PMS1: variants seen among roughly 807,000 people sequenced by gnomAD.
PMS1 encodes PMS1 protein homolog 1.
A neutral mutation model predicts 93.1 loss-of-function variants in PMS1; 79 were observed. The observed-to-expected ratio is 0.85, with a 90% CI of 0.71 to 1.02. PMS1 has a LOEUF of 1.02. PMS1 is among the 50% of genes least tolerant of loss of function. PMS1 has a pLI of 0.00. For synonymous variants in PMS1, 335 were observed against 363.4 expected (o/e 0.92, Z 0.89); for missense variants, 1,064 against 1,085.3 (o/e 0.98, Z 0.28).
At chr2:189,841,717 C>G (rs879262049) in intron 5 of PMS1, among the ~76,000 whole-genome samples, 31 of 108,974 alleles carry the variant, frequency 2.8e-4, no homozygotes, top group Middle Eastern at 4.5e-3. Context: ...AGACTTCTGC[C>G]TCTTTTAGAC....
intron 9 of PMS1, among the ~76,000 whole-genome samples, chr2:189,858,999 AT>A (rs2055667734): frequency 6.6e-6 from 1 of 152,008 alleles, no homozygotes; most frequent in African/African-American, 2.4e-5. Context: ...CACATTCCAT[AT>A]TTTTCCTTGA....
intron 9 of PMS1, among the ~76,000 whole-genome samples, chr2:189,859,735 T>G (rs2055746014): frequency 1.3e-5 from 2 of 152,282 alleles, no homozygotes; most frequent in East Asian, 3.9e-4. Context: ...TCCATTATCT[T>G]CTACCTTTGA....
chr2:189,815,517 TTCC>T (rs1446649436), intron 4 of PMS1, among the ~76,000 whole-genome samples: 2 of 152,172 alleles, frequency 1.3e-5, no homozygotes, highest in African/African-American at 2.4e-5. Flanking sequence ...TATTTGACAG[TTCC>T]TCCTTCATAC....
At chr2:189,850,012 G>A (rs1279440719) in intron 6 of PMS1, among the ~76,000 whole-genome samples, 1 of 151,218 alleles carries the variant, frequency 6.6e-6, no homozygotes, top group Non-Finnish European at 1.5e-5. Flanking sequence ...GACACATCTT[G>A]TTTCTGATCC....
At chr2:189,871,019 T>C (rs1174403150) in intron 11 of PMS1, among the ~76,000 whole-genome samples, 1 of 152,246 alleles carries the variant, frequency 6.6e-6, no homozygotes, top group Admixed American at 6.5e-5. Context: ...CTGCAAGCTG[T>C]ACATGAAGCA....
chr2:189,872,528 A>G (rs923220045), intron 11 of PMS1, among the ~76,000 whole-genome samples: 1 of 152,234 alleles, frequency 6.6e-6, no homozygotes, highest in Non-Finnish European at 1.5e-5. Context: ...CTATGTTCCA[A>G]AAATATGCAT....
intron 5 of PMS1, among the ~76,000 whole-genome samples, chr2:189,822,289 G>A (rs183615057): frequency 6.6e-5 from 10 of 152,322 alleles, no homozygotes; most frequent in Admixed American, 5.9e-4. Context: ...GACCTTACTA[G>A]AAAGATGAAA....
rs369685971 is a variant in PMS1, at chr2:189,867,776, A to G, written c.2343-23A>G. 5 of 1,530,242 alleles carry G rather than the reference A, an allele frequency of 3.3e-6. No homozygotes were observed. The African/African-American group carries it at 6.8e-5, about 21-fold the overall frequency. 94.8% of individuals were successfully genotyped at this position (1,530,242 alleles called of 1,614,324 possible). A position where few individuals can be genotyped will look rare whatever the true frequency, so the allele number is the denominator to read the frequency against. ...CTTATTTTGTGTTTTTAATAAGTTAAAGGGCCATAATTTCTTTTTCAGTCT... is the reference window on the plus strand; with the variant it reads ...CTTATTTTGTGTTTTTAATAAGTTAGAGGGCCATAATTTCTTTTTCAGTCT... On this transcript the variant is annotated intron_variant, in intron 10 of 12. Coordinates refer to ENST00000441310, the MANE Select transcript of PMS1 (RefSeq NM_000534.5).
At chr2:189,821,242 G>A (rs777573265) in intron 5 of PMS1, among the ~76,000 whole-genome samples, 1 of 150,994 alleles carries the variant, frequency 6.6e-6, no homozygotes, top group East Asian at 2.0e-4. Context: ...GGATCACGAG[G>A]TCAGGAGATC....
At chr2:189,806,040 G>C in intron 4 of PMS1, 2 of 832,180 alleles carry the variant, frequency 2.4e-6, no homozygotes, top group South Asian at 2.7e-5. Flanking sequence ...TGGATTACCA[G>C]TGTCATCTTC....
Position 189,844,053 on chromosome 2 carries a change from C to T in PMS1, c.672C>T (p.Ser224=). The T allele has an allele frequency of 6.2e-7, 1 of 1,613,910 alleles. No homozygotes were observed. Among genetic ancestry groups the T allele is most frequent in the Non-Finnish European group, 8.5e-7 (1 of 1,179,936 alleles). Residue 224 remains serine (S), a synonymous_variant, in exon 6 of 13, where the codon TCC becomes TCT. Transcript: ENST00000441310. ...CTGCTGTTATGAACAATATGGAATC[C>T]TTTCAGTACCACTCTGAAGAATCTC... ...LGTAVMNNME[S]FQYHSEESQI... is the part of the protein sequence containing the mutation.
chr2:189,791,413 A>C (rs2048855886), intron 1 of PMS1, among the ~76,000 whole-genome samples: 1 of 152,202 alleles, frequency 6.6e-6, no homozygotes, highest in African/African-American at 2.4e-5. Context: ...TGGGGTCAGG[A>C]GTTTGAGACC....
rs1191748170 is a variant in PMS1 at position 189,854,155 on chromosome 2, G to A, written c.966+73G>A. ...TTACTGTTTTCATATAAAAAGATTT[G>A]TTTATATTTATCTTTTTTATTATTT... On this transcript the variant is annotated intron_variant, in intron 8 of 12. Transcript: ENST00000441310. 8.0e-6 allele frequency: 11 copies of A among 1,369,258 alleles called. No individual in the cohort carries two copies. In the African/African-American group the frequency reaches 1.3e-4, roughly 17 times the overall value. The allele number at this position is 1,369,258 out of a possible 1,614,324, so 84.8% of individuals were successfully genotyped here. A position where few individuals can be genotyped will look rare whatever the true frequency, so the allele number is the denominator to read the frequency against.
chr2:189,792,292 T>C (rs1334114652), intron 2 of PMS1, among the ~76,000 whole-genome samples: 1 of 152,148 alleles, frequency 6.6e-6, no homozygotes, highest in Non-Finnish European at 1.5e-5. Context: ...CCATTTCCCT[T>C]GTTACTTTTT....
chr2:189,832,667 GT>G (rs1223115527), intron 5 of PMS1, among the ~76,000 whole-genome samples: 1 of 151,964 alleles, frequency 6.6e-6, no homozygotes, highest in Non-Finnish European at 1.5e-5. Flanking sequence ...GGGTTTCACT[GT>G]ATTAACCAGG....
chr2:189,859,053 A>G (rs1227987201), intron 9 of PMS1, among the ~76,000 whole-genome samples: 1 of 152,194 alleles, frequency 6.6e-6, no homozygotes, highest in Non-Finnish European at 1.5e-5. Flanking sequence ...GTGTTTGAAG[A>G]GTATGAGACT....
chr2:189,868,201 C>T (rs756011622), intron 11 of PMS1, among the ~76,000 whole-genome samples: 19 of 152,192 alleles, frequency 1.2e-4, no homozygotes, highest in Non-Finnish European at 2.1e-4. Flanking sequence ...ACACAATATT[C>T]AAACTGCCTG....
chr2:189,864,239 A>G lies in PMS1; in HGVS notation c.2342+11A>G, dbSNP rs1423711673. The G allele has an allele frequency of 1.3e-6, 2 of 1,563,664 alleles. No individual in the cohort carries two copies. Among genetic ancestry groups the G allele is most frequent in the Non-Finnish European group, 8.8e-7 (1 of 1,135,022 alleles). On this transcript the variant is annotated intron_variant, in intron 10 of 12. Coordinates refer to ENST00000441310, the MANE Select transcript of PMS1 (RefSeq NM_000534.5). ...TATGTTAACAGAGAGGTATGATGAT[A>G]CAATACTTTTTAAGAGTAAAAATAT...
chr2:189,815,409 A>G (rs1031599148), intron 4 of PMS1, among the ~76,000 whole-genome samples: 3 of 152,064 alleles, frequency 2.0e-5, no homozygotes, highest in Non-Finnish European at 2.9e-5. Context: ...CGTAATCCCT[A>G]TGTGTTTAGA....
Sources: allele counts gnomAD v4.1 joint callset (sites outside exome capture counted in the v4.1 genomes callset), GRCh38; gene constraint gnomAD v4.1.1; transcripts MANE v1.5; gene names NCBI Gene and HGNC (gene_info 2026-07-23, HGNC 2026-07-21).